SLCO2B1: variants seen among roughly 807,000 people sequenced by gnomAD.
SLCO2B1 encodes OATP-RP2.
SLCO2B1 carries 41 observed loss-of-function variants against 67.3 expected under a neutral mutation model. The ratio of observed to expected loss-of-function variants is 0.61; its 90% CI spans 0.47 to 0.79. The LOEUF (loss-of-function observed/expected upper bound fraction) is 0.79. Ranked by LOEUF, SLCO2B1 falls within the 30% of genes least tolerant of loss-of-function variation. The pLI, the probability that SLCO2B1 is intolerant of heterozygous loss-of-function variation, is 0.00. For synonymous variants in SLCO2B1, 379 were observed against 381.4 expected, an observed-to-expected ratio of 0.99 and a Z score of 0.07; for missense variants, 837 against 920.1, an observed-to-expected ratio of 0.91 and a Z score of 1.17.
Position 75,206,040 on chromosome 11 carries a change from C to A in SLCO2B1, c.*1460C>A, listed in dbSNP as rs1945272821. On this transcript the variant is annotated 3_prime_UTR_variant, in exon 14 of 14. Transcript: ENST00000289575. The stretch of plus-strand genomic sequence containing the variant: ...AAAAGAAAAGGGAGGTACAGAAGTT[C>A]CAATTCCCTTTTTATTTTGCTGGTT... The A allele has an allele frequency of 6.6e-6, 1 of 152,176 alleles. No homozygotes were observed. Among genetic ancestry groups the A allele is most frequent in the Non-Finnish European group, 1.5e-5 (1 of 68,034 alleles). The allele number at this position is 152,176 out of a possible 1,614,324, so 9.4% of individuals were successfully genotyped here. A position where few individuals can be genotyped will look rare whatever the true frequency, so the allele number is the denominator to read the frequency against.
chr11:75,171,673 T>C (rs1949962048), intron 6 of SLCO2B1, among the ~76,000 whole-genome samples: 2 of 152,120 alleles, frequency 1.3e-5, no homozygotes, highest in African/African-American at 2.4e-5. Flanking sequence ...AGCCAGGAGG[T>C]ACACCTGGGA....
At position 75,204,627 on chromosome 11, in the gene SLCO2B1, C is replaced by A; in HGVS notation, c.*47C>A. 1.3e-6 allele frequency: 2 copies of A among 1,533,352 alleles called. No homozygotes were observed. The highest frequency in any genetic ancestry group is 1.9e-5 in the Admixed American group (1 of 51,566). 95.0% of individuals were successfully genotyped at this position (1,533,352 alleles called of 1,614,324 possible). On this transcript the variant is annotated 3_prime_UTR_variant, in exon 14 of 14. Coordinates refer to ENST00000289575, the MANE Select transcript of SLCO2B1 (RefSeq NM_007256.5). ...GCCAAGAGTAGCAGCCACAGCAGTA[C>A]CTCCTCTGAGTCCTTTGCCCAAGAT...
rs201813282 is a variant in SLCO2B1, at chr11:75,169,287, T to C, written c.563T>C (p.Val188Ala). The change falls in exon 5 of 14, where the codon GTG becomes GCG. Residue 188 changes from valine (V) to alanine (A), a missense_variant. By Grantham distance (64) the Val-to-Ala change is moderately conservative. Coordinates refer to ENST00000289575, the MANE Select transcript of SLCO2B1 (RefSeq NM_007256.5). ...TACACAGAAACCCAGCATCTGAGTG[T>C]GGTGGGGATCATGTTCGTGGCACAG... is the stretch of plus-strand genomic sequence containing the variant. ...SSYTETQHLS[V>A]VGIMFVAQTL... 2 of 1,614,092 alleles carry C rather than the reference T, an allele frequency of 1.2e-6. No homozygotes were observed. The highest frequency in any genetic ancestry group is 1.3e-5 in the African/African-American group (1 of 75,040).
intron 12 of SLCO2B1, 72 bp from the exon 13 acceptor site, chr11:75,203,235 G>T (rs1223356490): frequency 6.3e-7 from 1 of 1,576,534 alleles, no homozygotes; most frequent in East Asian, 2.2e-5. Flanking sequence ...CCCCTGAGGG[G>T]TTGTACATGC....
intron 1 of SLCO2B1, chr11:75,151,661 C>T: frequency 1.8e-6 from 1 of 543,812 alleles, no homozygotes; most frequent in Admixed American, 3.2e-5. Context: ...ACTTAGAGGA[C>T]AACAGAAAGA....
In SLCO2B1 at chr11:75,195,220, C is replaced by T. The variant is rs150980511; in HGVS notation, c.1434-1294C>T. The stretch of plus-strand genomic sequence containing the variant: ...CCAGGTGGTCAATGACAGCGAGGAG[C>T]GGAGGAAGGACTCCCTAGCTCTTAT... On this transcript the variant is annotated intron_variant, in intron 9 of 13. Transcript: ENST00000289575. Among the ~76,000 whole-genome samples the T allele has an allele frequency of 8.5e-5, 13 of 152,286 alleles. No individual in the cohort carries two copies. In the South Asian group the frequency reaches 2.1e-3, roughly 24 times the overall value.
intron 7 of SLCO2B1, among the ~76,000 whole-genome samples, chr11:75,183,281 A>C (rs1473040422): frequency 6.6e-6 from 1 of 152,196 alleles, no homozygotes; most frequent in African/African-American, 2.4e-5. Flanking sequence ...TGTGTATTTT[A>C]TGCCTACAGC....
At chr11:75,176,840 C>T (rs1950031258) in intron 7 of SLCO2B1, among the ~76,000 whole-genome samples, 1 of 152,212 alleles carries the variant, frequency 6.6e-6, no homozygotes, top group Non-Finnish European at 1.5e-5. Flanking sequence ...AGGGCCTCCA[C>T]TTTGCAGGCA....
chr11:75,193,371 A>T lies in SLCO2B1; in HGVS notation c.1229A>T (p.Asn410Ile). The change falls in exon 9 of 14, where the codon AAC becomes ATC. Residue 410 changes from asparagine (N) to isoleucine (I), a missense_variant. Coordinates refer to ENST00000289575, the MANE Select transcript of SLCO2B1 (RefSeq NM_007256.5). This position sits in a 1 kb window ranked among gnomAD's most constrained non-coding sequence, Gnocchi z 4.2. ...RQFSITASYA[N>I]LLIGCLSFPS... Reference sequence around the variant, plus strand: ...TTTTCCATCACAGCCTCCTACGCCAACCTGCTCATCGGCTGCCTCTCCTTC... The same window carrying T: ...TTTTCCATCACAGCCTCCTACGCCATCCTGCTCATCGGCTGCCTCTCCTTC... 6.2e-7 allele frequency: 1 copy of T among 1,614,120 alleles called. No individual in the cohort carries two copies. The highest frequency in any genetic ancestry group is 8.5e-7 in the Non-Finnish European group (1 of 1,180,018).
rs371564390 is a variant in SLCO2B1, at chr11:75,198,687, G to A, written c.1600-1537G>A. Among the ~76,000 whole-genome samples, 55 of 152,326 alleles carry A rather than the reference G, an allele frequency of 3.6e-4. No individual in the cohort carries two copies. The East Asian group carries it at 0.01, about 28-fold the overall frequency. ...GAGACCGGGCCAGCACTCAGGGACT[G>A]TTGTCACACTGGCCTGGAATCGTGT... On this transcript the variant is annotated intron_variant, in intron 10 of 13. Transcript: ENST00000289575.
intron 1 of SLCO2B1, among the ~76,000 whole-genome samples, chr11:75,161,818 T>G (rs933076368): frequency 1.3e-5 from 2 of 151,094 alleles, no homozygotes; most frequent in African/African-American, 4.9e-5. Flanking sequence ...CCACTGAGAG[T>G]GAGCTCAGGA....
Position 75,162,636 on chromosome 11 carries a change from C to A in SLCO2B1, c.17-19C>A. ...CGGGGATTCTATCTATTCTCTTTCC[C>A]TGGTTTTCTGTCCCTCAGGGCCAGC... is the stretch of plus-strand genomic sequence containing the variant. On this transcript the variant is annotated intron_variant, in intron 1 of 13. Coordinates refer to ENST00000289575, the MANE Select transcript of SLCO2B1 (RefSeq NM_007256.5). 6.2e-7 allele frequency: 1 copy of A among 1,608,666 alleles called. No individual in the cohort carries two copies. The highest frequency in any genetic ancestry group is 1.1e-5 in the South Asian group (1 of 90,194).
At position 75,200,205 on chromosome 11, in the gene SLCO2B1, C is replaced by T; in HGVS notation, c.1600-19C>T. 2 of 1,600,278 alleles carry T rather than the reference C, an allele frequency of 1.2e-6. No individual in the cohort carries two copies. Among genetic ancestry groups the T allele is most frequent in the East Asian group, 2.2e-5 (1 of 44,534 alleles). On this transcript the variant is annotated intron_variant, in intron 10 of 13. Coordinates refer to ENST00000289575, the MANE Select transcript of SLCO2B1 (RefSeq NM_007256.5). ...CCCTTGGAGGCTCTTGAAGTCTCTT[C>T]CTCCTCTTCCCACTCCAGGTTTTCT... is the stretch of plus-strand genomic sequence containing the variant.
Position 75,204,431 on chromosome 11 carries a change from G to C in SLCO2B1, c.1981G>C (p.Gly661Arg). Residue 661 changes from glycine to arginine, a missense_variant, in exon 14 of 14, where the codon GGT becomes CGT. Coordinates refer to ENST00000289575, the MANE Select transcript of SLCO2B1 (RefSeq NM_007256.5). ...CGGCCTCCAGTTCTTCTTCAAAACA[G>C]GTTCTGTGATCTGCTTCGCCTTAGT... Reference protein sequence around the residue: ...FIGLQFFFKTGSVICFALVLA... With the variant: ...FIGLQFFFKTRSVICFALVLA... The C allele has an allele frequency of 1.2e-6, 2 of 1,610,600 alleles. No homozygotes were observed. The highest frequency in any genetic ancestry group is 1.7e-6 in the Non-Finnish European group (2 of 1,178,430).
chr11:75,198,758 A>G (rs1271027019), intron 10 of SLCO2B1, among the ~76,000 whole-genome samples: 1 of 152,134 alleles, frequency 6.6e-6, no homozygotes, highest in Non-Finnish European at 1.5e-5. Flanking sequence ...TGGCTCAGGG[A>G]TGGGTGGCTC....
intron 12 of SLCO2B1, 61 bp downstream of exon 12, chr11:75,203,026 C>G: frequency 6.9e-7 from 1 of 1,454,268 alleles, no homozygotes; most frequent in Non-Finnish European, 9.7e-7. Context: ...CACTGTGTGC[C>G]AGGCCTGGGG....
intron 6 of SLCO2B1, among the ~76,000 whole-genome samples, chr11:75,170,718 C>T (rs1011323095): frequency 4.6e-5 from 7 of 152,196 alleles, no homozygotes; most frequent in East Asian, 1.9e-4. Context: ...GGGACAGCCC[C>T]GCCCCGCCCA....
intron 1 of SLCO2B1, among the ~76,000 whole-genome samples, chr11:75,161,137 C>T (rs1454189938): frequency 6.6e-6 from 1 of 152,194 alleles, no homozygotes. Flanking sequence ...TACATGAATG[C>T]TTCTAATACC....
At chr11:75,155,290 T>G (rs2140300315) in intron 1 of SLCO2B1, among the ~76,000 whole-genome samples, 1 of 152,142 alleles carries the variant, frequency 6.6e-6, no homozygotes, top group African/African-American at 2.4e-5. Flanking sequence ...CCTTCCTGCC[T>G]TTGACTCTCT....
Sources: gnomAD v4.1 joint callset for allele counts (sites outside exome capture counted in the v4.1 genomes callset) on GRCh38, gnomAD v4.1.1 for gene constraint, Gnocchi (gnomAD v3.1) non-coding constraint, MANE v1.5 for transcripts, NCBI Gene and HGNC (gene_info 2026-07-23, HGNC 2026-07-21) for gene names.